The following KCNMA1 variants were observed in gnomAD, a reference collection of about 807,000 sequenced individuals.
KCNMA1 encodes Calcium-activated potassium channel subunit alpha-1.
KCNMA1 carries 29 observed loss-of-function variants against 140.0 expected under a neutral mutation model. That is an observed-to-expected ratio of 0.21 (90% CI 0.15 to 0.28). KCNMA1 has a LOEUF of 0.28. Ranked by LOEUF, KCNMA1 falls within the 10% of genes least tolerant of loss-of-function variation. The pLI is 1.00. For synonymous variants in KCNMA1, 612 were observed against 611.9 expected (o/e 1.00, Z 0.00); for missense variants, 880 against 1,602.2 (o/e 0.55, Z 7.70).
At position 77,338,017 on chromosome 10, in the gene KCNMA1, C is replaced by G. The variant is rs117900771; in HGVS notation, c.540+65845G>C. ...AGAAATACACCTTTGTTGCAGAATC[C>G]GACTGAGATTTGGGGGCCATTTGTT... On this transcript the variant is annotated intron_variant, in intron 2 of 27. Transcript: ENST00000286628. Among the ~76,000 whole-genome samples, 474 of 152,238 alleles carry G rather than the reference C, an allele frequency of 3.1e-3. 1 individual carries two copies. Among genetic ancestry groups the G allele is most frequent in the Non-Finnish European group, 5.5e-3 (376 of 68,020 alleles).
chr10:77,056,852 A>G (rs2095557500), intron 14 of KCNMA1, among the ~76,000 whole-genome samples: 1 of 152,244 alleles, frequency 6.6e-6, no homozygotes, highest in South Asian at 2.1e-4. Flanking sequence ...AGCTAGGTCA[A>G]TATAAATTGT....
At chr10:77,064,148 A>C (rs2148549) in intron 14 of KCNMA1, 1 of 982,294 alleles carries the variant, frequency 1.0e-6, no homozygotes, top group East Asian at 1.1e-4. Flanking sequence ...TTACAGCTAT[A>C]AAACCAAGAG....
Position 76,889,491 on chromosome 10 carries a change from T to TCAGC in KCNMA1, c.3417_3420dup (p.Arg1141AlafsTer24). On this transcript the variant is annotated frameshift_variant, in exon 27 of 28. Transcript: ENST00000286628. LOFTEE classifies it high-confidence loss of function. ...CTGGGGGTGCTGAGGTGAGCATCTC[T>TCAGC]CAGCCGGTAAATTCCAAAACAAAGC... is the stretch of plus-strand genomic sequence containing the variant. 6.2e-7 allele frequency: 1 copy of TCAGC among 1,614,098 alleles called. No individual in the cohort carries two copies. Among genetic ancestry groups the TCAGC allele is most frequent in the Non-Finnish European group, 8.5e-7 (1 of 1,179,988 alleles).
chr10:77,076,859 T>C (rs564643058), intron 13 of KCNMA1, among the ~76,000 whole-genome samples: 1 of 152,178 alleles, frequency 6.6e-6, no homozygotes, highest in African/African-American at 2.4e-5. Flanking sequence ...TACTGGATCA[T>C]AGGGGATTGA....
chr10:76,935,527 A>T (rs1010908794), intron 23 of KCNMA1, among the ~76,000 whole-genome samples: 14 of 152,234 alleles, frequency 9.2e-5, no homozygotes, highest in African/African-American at 9.6e-5. Context: ...CTCAACTGTA[A>T]AATGAAGGTG....
At chr10:77,550,320 C>G (rs191587525) in intron 1 of KCNMA1, among the ~76,000 whole-genome samples, 296 of 152,320 alleles carry the variant, frequency 1.9e-3, no homozygotes, top group African/African-American at 5.6e-3. Flanking sequence ...CTCCCAGCAC[C>G]TGCTGGGTAG....
intron 3 of KCNMA1, among the ~76,000 whole-genome samples, chr10:77,212,244 A>C (rs11596769): frequency 0.081 from 12,346 of 152,266 alleles, 669 homozygotes; most frequent in African/African-American, 0.15. Context: ...TGGTACATAC[A>C]CATCATGGAA....
intron 1 of KCNMA1, among the ~76,000 whole-genome samples, chr10:77,590,654 G>A (rs553562072): frequency 3.7e-4 from 56 of 152,386 alleles, no homozygotes; most frequent in African/African-American, 1.3e-3. Context: ...GCAGCGGTCT[G>A]AAGGGCTCCT....
At chr10:76,999,843 C>T (rs893747706) in intron 19 of KCNMA1, among the ~76,000 whole-genome samples, 1 of 152,174 alleles carries the variant, frequency 6.6e-6, no homozygotes, top group Non-Finnish European at 1.5e-5. Flanking sequence ...GAATGACTCT[C>T]TGGTCCTAGA....
At chr10:77,290,869 A>T (rs2154310157) in intron 2 of KCNMA1, among the ~76,000 whole-genome samples, 1 of 152,316 alleles carries the variant, frequency 6.6e-6, no homozygotes, top group South Asian at 2.1e-4. Context: ...GGAGAGGTTA[A>T]CTGTTTTGAA....
At position 77,637,743 on chromosome 10, in the gene KCNMA1, C is replaced by T. The variant is rs939888253; in HGVS notation, c.-101G>A. 4 of 1,233,586 alleles carry T rather than the reference C, an allele frequency of 3.2e-6. No individual in the cohort carries two copies. The highest frequency in any genetic ancestry group is 3.0e-5 in the South Asian group (1 of 33,174). 76.4% of individuals were successfully genotyped at this position (1,233,586 alleles called of 1,614,324 possible). A position where few individuals can be genotyped will look rare whatever the true frequency, so the allele number is the denominator to read the frequency against. ...ACAGCCATATTGCTGCTACTGCTGC[C>T]GCCGCCGCCGCCGCCGCGGAGCGCG... On this transcript the variant is annotated 5_prime_UTR_variant, in exon 1 of 28. Coordinates refer to ENST00000286628, the MANE Select transcript of KCNMA1 (RefSeq NM_001161352.2).
chr10:76,919,560 A>G (rs1271613819), intron 23 of KCNMA1, among the ~76,000 whole-genome samples: 1 of 152,184 alleles, frequency 6.6e-6, no homozygotes, highest in Non-Finnish European at 1.5e-5. Flanking sequence ...CAGATTATCT[A>G]CAAAATGCCC....
intron 13 of KCNMA1, among the ~76,000 whole-genome samples, chr10:77,075,254 T>C (rs1393029976): frequency 6.6e-6 from 1 of 152,188 alleles, no homozygotes; most frequent in Non-Finnish European, 1.5e-5. Flanking sequence ...CTCTCCCTAC[T>C]CTCCAGTGGC....
At chr10:77,376,948 A>AATACATACAAAC (rs1555258740) in intron 2 of KCNMA1, among the ~76,000 whole-genome samples, 2 of 148,314 alleles carry the variant, frequency 1.3e-5, no homozygotes, top group Admixed American at 6.7e-5. Context: ...AAAATAAATA[A>AATACATACAAAC]ATACATACAT....
At chr10:77,028,251 C>A (rs1018421083) in intron 15 of KCNMA1, among the ~76,000 whole-genome samples, 3 of 152,070 alleles carry the variant, frequency 2.0e-5, no homozygotes, top group Non-Finnish European at 4.4e-5. Flanking sequence ...AGATTTGGAC[C>A]AGCTGGACCT....
chr10:77,296,924 G>T (rs2075317503), intron 2 of KCNMA1, among the ~76,000 whole-genome samples: 1 of 150,926 alleles, frequency 6.6e-6, no homozygotes, highest in Non-Finnish European at 1.5e-5. Flanking sequence ...GGGGGGCGGT[G>T]GGGGAATGTA....
chr10:76,984,484 C>T (rs2080613002), intron 19 of KCNMA1, among the ~76,000 whole-genome samples: 1 of 152,068 alleles, frequency 6.6e-6, no homozygotes, highest in Admixed American at 6.5e-5. Context: ...GCCACTGCAC[C>T]CAGCCTGGAT....
chr10:77,250,902 C>G, intron 3 of KCNMA1: 1 of 385,704 alleles, frequency 2.6e-6, no homozygotes, highest in Non-Finnish European at 4.9e-6. Flanking sequence ...TACTTGACAT[C>G]TTCAGTGCAA....
intron 1 of KCNMA1, among the ~76,000 whole-genome samples, chr10:77,612,858 A>T (rs2673437): frequency 6.6e-6 from 1 of 151,922 alleles, no homozygotes; most frequent in Admixed American, 6.6e-5. Context: ...ATCCCCTCTA[A>T]GCCATTTGCT....
Sources: allele counts gnomAD v4.1 joint callset (sites outside exome capture counted in the v4.1 genomes callset), GRCh38; gene constraint gnomAD v4.1.1; transcripts MANE v1.5; gene names NCBI Gene and HGNC (gene_info 2026-07-23, HGNC 2026-07-21).